The following DCC variants were observed in gnomAD, a reference collection of about 807,000 sequenced individuals.
DCC encodes DCC netrin 1 receptor, also known as netrin receptor DCC.
In DCC, 58 loss-of-function variants were observed where a neutral mutation model predicts 172.5. That is an observed-to-expected ratio of 0.34 (90% CI 0.27 to 0.42). The LOEUF is 0.42. DCC is among the 10% of genes least tolerant of loss of function. DCC has a pLI of 1.00. For missense variants in DCC, 1,740 were observed against 1,791.0 expected, an observed-to-expected ratio of 0.97 and a Z score of 0.51; for synonymous variants, 709 against 644.5, an observed-to-expected ratio of 1.10 and a Z score of -1.52.
At chr18:52,584,640 A>C (rs1452183551) in intron 1 of DCC, among the ~76,000 whole-genome samples, 6 of 152,076 alleles carry the variant, frequency 3.9e-5, no homozygotes, top group Admixed American at 1.3e-4. Flanking sequence ...TGCTCAAGAG[A>C]TACATCTGCC....
intron 1 of DCC, among the ~76,000 whole-genome samples, chr18:52,633,159 TC>T (rs1376590844): frequency 6.6e-6 from 1 of 151,954 alleles, no homozygotes; most frequent in Non-Finnish European, 1.5e-5. Context: ...TCCTGTCCTG[TC>T]CTGTCCTTCA....
At chr18:52,456,293 G>A (rs917884168) in intron 1 of DCC, among the ~76,000 whole-genome samples, 1 of 152,076 alleles carries the variant, frequency 6.6e-6, no homozygotes, top group Non-Finnish European at 1.5e-5. Context: ...GTGGTTTCAA[G>A]TAATAAATAG....
At chr18:52,729,738 C>A (rs2036607548) in intron 1 of DCC, among the ~76,000 whole-genome samples, 1 of 152,258 alleles carries the variant, frequency 6.6e-6, no homozygotes, top group Admixed American at 6.5e-5. Context: ...AGAGCTGTGG[C>A]CCACAGTAGA....
intron 12 of DCC, among the ~76,000 whole-genome samples, chr18:53,216,578 C>T (rs574622611): frequency 2.3e-4 from 35 of 152,020 alleles, no homozygotes; most frequent in Non-Finnish European, 4.4e-4. Context: ...AAAATGTATG[C>T]GATGAATCTG....
intron 2 of DCC, among the ~76,000 whole-genome samples, chr18:52,886,253 C>T (rs563419935): frequency 6.6e-6 from 1 of 152,056 alleles, no homozygotes; most frequent in Non-Finnish European, 1.5e-5. Context: ...TCTTTGTGTC[C>T]TACAGTGCCT....
chr18:53,241,696 A>C (rs1242930909), intron 12 of DCC, among the ~76,000 whole-genome samples: 1 of 152,180 alleles, frequency 6.6e-6, no homozygotes, highest in Non-Finnish European at 1.5e-5. Flanking sequence ...GATGTGCATA[A>C]GAGCATGGCC....
At chr18:52,451,282 A>G (rs183712052) in intron 1 of DCC, among the ~76,000 whole-genome samples, 1 of 152,194 alleles carries the variant, frequency 6.6e-6, no homozygotes, top group Non-Finnish European at 1.5e-5. Context: ...AAGCTTGGTT[A>G]TCTTGTTTCC....
intron 1 of DCC, among the ~76,000 whole-genome samples, chr18:52,437,419 C>G (rs1414901040): frequency 6.6e-6 from 1 of 152,120 alleles, no homozygotes; most frequent in Non-Finnish European, 1.5e-5. Flanking sequence ...ATTACTATGG[C>G]CTTTCCTCTG....
Position 53,178,986 on chromosome 18 carries a change from G to T in DCC, c.1443G>T (p.Gln481His). Residue 481 changes from glutamine (Q) to histidine (H), a missense_variant, in exon 9 of 29, where the codon CAG becomes CAT. By Grantham distance (24) the Gln-to-His change is conservative (BLOSUM62 0). Around this residue, in one of 2 missense-constraint regions of DCC, gnomAD observed 1,732 missense variants for 1,767.4 expected, o/e 0.98. Coordinates refer to ENST00000442544, the MANE Select transcript of DCC (RefSeq NM_005215.4). ...GGGAACGAGCATTGAATACAACACAGCCTGGGTCCCTTCAGCTCACTGTGG... is the reference window on the plus strand; with the variant it reads ...GGGAACGAGCATTGAATACAACACATCCTGGGTCCCTTCAGCTCACTGTGG... ...DNRERALNTT[Q>H]PGSLQLTVGN... The T allele has an allele frequency of 6.2e-7, 1 of 1,614,062 alleles. No homozygotes were observed. Among genetic ancestry groups the T allele is most frequent in the African/African-American group, 1.3e-5 (1 of 75,034 alleles).
At chr18:53,321,138 AC>A (rs1183094451) in intron 13 of DCC, among the ~76,000 whole-genome samples, 2 of 152,104 alleles carry the variant, frequency 1.3e-5, no homozygotes, top group Non-Finnish European at 2.9e-5. Flanking sequence ...GAGCGTAATT[AC>A]TTTTATTATG....
At chr18:52,809,666 G>A (rs950581083) in intron 2 of DCC, among the ~76,000 whole-genome samples, 1 of 152,170 alleles carries the variant, frequency 6.6e-6, no homozygotes, top group Admixed American at 6.5e-5. Context: ...ACAGCAGTGG[G>A]GGACGGTGAG....
At chr18:53,063,227 A>G in intron 5 of DCC, 78 bp from the exon 6 acceptor site, 1 of 1,315,536 alleles carries the variant, frequency 7.6e-7, no homozygotes, top group Non-Finnish European at 1.1e-6. Flanking sequence ...GCAGTGTTTT[A>G]AACTCAGTGA....
At chr18:52,355,584 T>C (rs1234110619) in intron 1 of DCC, among the ~76,000 whole-genome samples, 1 of 152,242 alleles carries the variant, frequency 6.6e-6, no homozygotes, top group Non-Finnish European at 1.5e-5. Flanking sequence ...TTTTTATTTG[T>C]TCATTCGACA....
At chr18:53,039,432 G>A (rs2042139463) in intron 5 of DCC, among the ~76,000 whole-genome samples, 1 of 152,008 alleles carries the variant, frequency 6.6e-6, no homozygotes, top group South Asian at 2.1e-4. Flanking sequence ...TTCTCTGTAA[G>A]GAATATTTGC....
At chr18:52,459,428 T>A (rs976617161) in intron 1 of DCC, among the ~76,000 whole-genome samples, 3 of 151,752 alleles carry the variant, frequency 2.0e-5, no homozygotes, top group African/African-American at 7.2e-5. Flanking sequence ...TTAGCTCCCA[T>A]TTATAAGTAA....
At chr18:52,652,863 G>A (rs1049926190) in intron 1 of DCC, among the ~76,000 whole-genome samples, 9 of 151,960 alleles carry the variant, frequency 5.9e-5, no homozygotes, top group African/African-American at 1.7e-4. Flanking sequence ...AGGAGCTTTC[G>A]TGGGTCTGGA....
At chr18:52,669,903 G>A (rs745425409) in intron 1 of DCC, among the ~76,000 whole-genome samples, 33 of 151,522 alleles carry the variant, frequency 2.2e-4, no homozygotes, top group Admixed American at 5.3e-4. Flanking sequence ...GAAAGAGAAA[G>A]TAACAAGTGT....
chr18:52,624,210 C>T (rs2034530820), intron 1 of DCC, among the ~76,000 whole-genome samples: 1 of 152,154 alleles, frequency 6.6e-6, no homozygotes, highest in South Asian at 2.1e-4. Flanking sequence ...AAATTAATTA[C>T]AGGCTTGCAT....
chr18:52,408,618 G>A (rs1986737768), intron 1 of DCC, among the ~76,000 whole-genome samples: 1 of 152,012 alleles, frequency 6.6e-6, no homozygotes, highest in Admixed American at 6.6e-5. Context: ...AATGCAGTTT[G>A]GATGTATAGT....
Sources: gnomAD v4.1 joint callset for allele counts (sites outside exome capture counted in the v4.1 genomes callset) on GRCh38, gnomAD v4.1.1 for gene constraint, gnomAD v4.1.1 regional missense constraint, MANE v1.5 for transcripts, NCBI Gene and HGNC (gene_info 2026-07-23, HGNC 2026-07-21) for gene names.